Variants in PRMT7 observed in about 807,000 individuals in gnomAD.
PRMT7 encodes protein arginine methyltransferase 7.
PRMT7 carries 75 observed loss-of-function variants against 85.4 expected under a neutral mutation model. That is an observed-to-expected ratio of 0.88 (90% CI 0.73 to 1.06). The LOEUF (loss-of-function observed/expected upper bound fraction) is 1.06. PRMT7 is among the 50% of genes least tolerant of loss of function. The pLI is 0.00. For synonymous variants in PRMT7, 397 were observed against 359.5 expected (o/e 1.10, Z -1.18); for missense variants, 868 against 915.2 (o/e 0.95, Z 0.67).
rs765949660 is a variant in PRMT7 at position 68,353,543 on chromosome 16, C to T, written c.1627C>T (p.His543Tyr). The T allele has an allele frequency of 2.5e-6, 4 of 1,597,868 alleles. No homozygotes were observed. The highest frequency in any genetic ancestry group is 3.4e-6 in the Non-Finnish European group (4 of 1,172,628). Residue 543 changes from histidine to tyrosine, a missense_variant, in exon 16 of 19, where the codon CAC (histidine) becomes TAC (tyrosine). His to Tyr is a moderately conservative substitution (Grantham distance 83, BLOSUM62 2). Transcript: ENST00000441236. ...TGGTGACTGCGAAGGCTTCGACGTGCACATCATGGACGACATGATTAAGGT... is the reference window on the plus strand; with the variant it reads ...TGGTGACTGCGAAGGCTTCGACGTGTACATCATGGACGACATGATTAAGGT... ...PCGDCEGFDV[H>Y]IMDDMIKRAL... is the part of the protein sequence containing the mutation.
chr16:68,341,472 C>T (rs376984960), intron 9 of PRMT7, among the ~76,000 whole-genome samples: 1 of 152,222 alleles, frequency 6.6e-6, no homozygotes, highest in Admixed American at 6.5e-5. Context: ...TGCAATGGCG[C>T]GATCTCAGCT....
At chr16:68,312,227 A>ATTT (rs778218819) in intron 2 of PRMT7, 51 bp downstream of exon 2, 15 of 88,300 alleles carry the variant, frequency 1.7e-4, no homozygotes, top group East Asian at 4.4e-4. Flanking sequence ...ATATATATAT[A>ATTT]TATTTTTTTT....
intron 16 of PRMT7, chr16:68,355,274 C>T (rs1288674210): frequency 6.5e-6 from 1 of 154,020 alleles, no homozygotes; most frequent in Non-Finnish European, 1.4e-5. Context: ...CACCTCCCCT[C>T]CTCCAGGTAG....
At chr16:68,352,966 A>G (rs753226836) in intron 15 of PRMT7, among the ~76,000 whole-genome samples, 3 of 152,176 alleles carry the variant, frequency 2.0e-5, no homozygotes, top group Non-Finnish European at 4.4e-5. Context: ...AAGTCTGGGC[A>G]TTTCTCCTGT....
At position 68,353,539 on chromosome 16, in the gene PRMT7, C is replaced by G; in HGVS notation, c.1623C>G (p.Asp541Glu). The change falls in exon 16 of 19, where the codon GAC (aspartate) becomes GAG (glutamate). Residue 541 changes from aspartate (D) to glutamate (E), a missense_variant. Physicochemically the swap from Asp to Glu is conservative, Grantham distance 45. Coordinates refer to ENST00000441236, the MANE Select transcript of PRMT7 (RefSeq NM_019023.5). The part of the protein sequence containing the change: ...RSPCGDCEGF[D>E]VHIMDDMIKR... ...CCTGTGGTGACTGCGAAGGCTTCGA[C>G]GTGCACATCATGGACGACATGATTA... 1 of 1,599,496 alleles carries G rather than the reference C, an allele frequency of 6.3e-7. No individual in the cohort carries two copies. Among genetic ancestry groups the G allele is most frequent in the Admixed American group, 1.7e-5 (1 of 57,646 alleles).
rs6499168 is a variant in PRMT7, at chr16:68,320,444, C to T, written c.96-982C>T. 4.3e-3 allele frequency among the ~76,000 whole-genome samples: 657 copies of T among 152,246 alleles called. 7 individuals carry two copies. The highest frequency in any genetic ancestry group is 0.015 in the African/African-American group (643 of 41,536). Reference sequence around the variant, plus strand: ...TGTTCCTATAGATTATAGATTAAAACGGGAAACAAAGGGATGGGCTCTGGC... The same window carrying T: ...TGTTCCTATAGATTATAGATTAAAATGGGAAACAAAGGGATGGGCTCTGGC... On this transcript the variant is annotated intron_variant, in intron 3 of 18. Coordinates refer to ENST00000441236, the MANE Select transcript of PRMT7 (RefSeq NM_019023.5).
intron 6 of PRMT7, among the ~76,000 whole-genome samples, chr16:68,332,848 T>A (rs1175721588): frequency 6.6e-6 from 1 of 152,194 alleles, no homozygotes; most frequent in Non-Finnish European, 1.5e-5. Context: ...TTGGTTTGTT[T>A]CCCTTCTTAG....
intron 9 of PRMT7, among the ~76,000 whole-genome samples, chr16:68,345,048 T>C (rs527520956): frequency 1.2e-4 from 18 of 151,342 alleles, no homozygotes; most frequent in South Asian, 2.1e-4. Flanking sequence ...TCAACACTTA[T>C]CTCCCAAGAA....
At chr16:68,313,032 C>T (rs188052303) in intron 2 of PRMT7, among the ~76,000 whole-genome samples, 136 of 152,230 alleles carry the variant, frequency 8.9e-4, no homozygotes, top group Middle Eastern at 3.4e-3. Context: ...GCCATGTTGG[C>T]CAGGCTGGTC....
rs972243017 is a variant in PRMT7, at chr16:68,315,918, C to A, written c.-62C>A. 19 of 1,374,332 alleles carry A rather than the reference C, an allele frequency of 1.4e-5. No individual in the cohort carries two copies. The African/African-American group carries it at 2.4e-4, about 17-fold the overall frequency. 85.1% of individuals were successfully genotyped at this position (1,374,332 alleles called of 1,614,324 possible). On this transcript the variant is annotated 5_prime_UTR_variant, in exon 3 of 19. Transcript: ENST00000441236. ...ATAGATTTCTGACAGTCAGACTTGT[C>A]CACAAGAACTCAACTGGCAAGGCTG...
intron 4 of PRMT7, among the ~76,000 whole-genome samples, chr16:68,321,950 A>ATT (rs751720148): frequency 2.1e-5 from 3 of 140,702 alleles, no homozygotes. Flanking sequence ...TGAGTTCAAC[A>ATT]TTTTTTTTTT....
intron 6 of PRMT7, among the ~76,000 whole-genome samples, chr16:68,335,934 G>A (rs571472209): frequency 1.3e-5 from 2 of 152,110 alleles, no homozygotes; most frequent in East Asian, 3.9e-4. Context: ...CCATCACCAC[G>A]CCTGGCTAAT....
chr16:68,359,066 A>C (rs2089054915), downstream of PRMT7: 1 of 152,632 alleles, frequency 6.6e-6, no homozygotes, highest in Admixed American at 6.5e-5. Flanking sequence ...GGGGAGGAGC[A>C]TGCAGCCCTG....
chr16:68,312,968 G>A (rs2044139326), intron 2 of PRMT7, among the ~76,000 whole-genome samples: 3 of 152,154 alleles, frequency 2.0e-5, no homozygotes, highest in Non-Finnish European at 4.4e-5. Context: ...GGGATTACAG[G>A]CACCTGCCAC....
chr16:68,329,876 T>TACACACACACACAC (rs6145876), intron 6 of PRMT7, among the ~76,000 whole-genome samples: 3,213 of 148,768 alleles, frequency 0.022, 43 homozygotes, highest in Middle Eastern at 0.034. Flanking sequence ...TATGTATATG[T>TACACACACACACAC]ACACACACAC....
At chr16:68,319,590 TAA>T (rs58594681) in intron 3 of PRMT7, among the ~76,000 whole-genome samples, 78 of 135,694 alleles carry the variant, frequency 5.7e-4, no homozygotes, top group Admixed American at 8.1e-4. Flanking sequence ...GATGTGCCAT[TAA>T]AAAAAAAAAA....
Position 68,357,285 on chromosome 16 carries a change from G to A in PRMT7, c.*61G>A. On this transcript the variant is annotated 3_prime_UTR_variant, in exon 19 of 19. Transcript: ENST00000441236. ...GTTCTGAGTGGCTCATGGCTTTCTAGCGGGGAAGGCTGAAGGCCCTCCTCT... is the reference window on the plus strand; with the variant it reads ...GTTCTGAGTGGCTCATGGCTTTCTAACGGGGAAGGCTGAAGGCCCTCCTCT... The A allele has an allele frequency of 6.6e-7, 1 of 1,523,402 alleles. No individual in the cohort carries two copies. The highest frequency in any genetic ancestry group is 1.4e-5 in the African/African-American group (1 of 72,480). 94.4% of individuals were successfully genotyped at this position (1,523,402 alleles called of 1,614,324 possible).
chr16:68,343,989 G>GA (rs1416382688), intron 9 of PRMT7, among the ~76,000 whole-genome samples: 2 of 152,186 alleles, frequency 1.3e-5, no homozygotes, highest in Non-Finnish European at 2.9e-5. Context: ...GTTTGTTAGA[G>GA]ACAGGGTCTT....
At chr16:68,350,247 A>G (rs1319096193) in intron 14 of PRMT7, among the ~76,000 whole-genome samples, 1 of 152,200 alleles carries the variant, frequency 6.6e-6, no homozygotes, top group African/African-American at 2.4e-5. Flanking sequence ...CACTGGTCTT[A>G]GAGAGGATGT....
Sources: gnomAD v4.1 joint callset for allele counts (sites outside exome capture counted in the v4.1 genomes callset) on GRCh38, gnomAD v4.1.1 for gene constraint, MANE v1.5 for transcripts, NCBI Gene and HGNC (gene_info 2026-07-23, HGNC 2026-07-21) for gene names.